ANKRD36C: variants seen among roughly 807,000 people sequenced by gnomAD.
ANKRD36C encodes the protein ankyrin repeat domain-containing protein 36C.
In ANKRD36C, 61 loss-of-function variants were observed where a neutral mutation model predicts 276.4. That is an observed-to-expected ratio of 0.22 (90% confidence interval 0.18 to 0.27). The LOEUF (loss-of-function observed/expected upper bound fraction) is 0.27. Ranked by LOEUF, ANKRD36C falls within the 10% of genes least tolerant of loss-of-function variation. ANKRD36C has a pLI of 1.00. For synonymous variants in ANKRD36C, 483 were observed against 680.1 expected, an observed-to-expected ratio of 0.71 and a Z score of 4.51; for missense variants, 1,447 against 2,032.3, an observed-to-expected ratio of 0.71 and a Z score of 5.54.
intron 13 of ANKRD36C, among the ~76,000 whole-genome samples, chr2:95,955,997 A>ATAT (rs1376066395): frequency 6.8e-6 from 1 of 147,912 alleles, no homozygotes; most frequent in African/African-American, 2.5e-5. Context: ...AATCAAGAAA[A>ATAT]TACTAAAATG....
At chr2:95,885,184 A>C (rs1421075575) in intron 52 of ANKRD36C, among the ~76,000 whole-genome samples, 1 of 151,744 alleles carries the variant, frequency 6.6e-6, no homozygotes, top group African/African-American at 2.4e-5. Flanking sequence ...TTAGGAGTTA[A>C]TTAGAATTCC....
At chr2:95,974,825 C>A (rs1282451061) in intron 6 of ANKRD36C, among the ~76,000 whole-genome samples, 1 of 124,878 alleles carries the variant, frequency 8.0e-6, no homozygotes, top group Middle Eastern at 4.5e-3. Flanking sequence ...CACAACAGTC[C>A]CTGGTGTGTG....
chr2:95,920,473 C>G lies in ANKRD36C; in HGVS notation c.2245+1134G>C, dbSNP rs1445885129. On this transcript the variant is annotated intron_variant, in intron 34 of 66. Coordinates refer to ENST00000456556, the Ensembl canonical transcript of ANKRD36C. ...ACCTTGGATATCTGTTTGCTGATACCTAGTAGATAATATTCATTATCTCTC... is the reference window on the plus strand; with the variant it reads ...ACCTTGGATATCTGTTTGCTGATACGTAGTAGATAATATTCATTATCTCTC... 1.5e-5 allele frequency among the ~76,000 whole-genome samples: 2 copies of G among 132,414 alleles called. 1 individual carries two copies. Among genetic ancestry groups the G allele is most frequent in the Non-Finnish European group, 3.4e-5 (2 of 59,626 alleles). 86.9% of individuals were successfully genotyped at this position (132,414 alleles called of 152,430 possible).
intron 49 of ANKRD36C, 22 bp downstream of exon 69, chr2:95,888,070 A>G (rs1408012619): frequency 6.2e-7 from 1 of 1,609,790 alleles, no homozygotes; most frequent in African/African-American, 1.3e-5. Context: ...ATAGTTCACA[A>G]TATAAATGAC....
chr2:95,932,818 T>A (rs1210851259), intron 24 of ANKRD36C, among the ~76,000 whole-genome samples: 7 of 150,932 alleles, frequency 4.6e-5, no homozygotes, highest in African/African-American at 1.7e-4. Flanking sequence ...TTGTTGCCAT[T>A]GCTTTTGGTG....
intron 59 of ANKRD36C, among the ~76,000 whole-genome samples, chr2:95,871,179 C>G (rs1675802882): frequency 6.6e-6 from 1 of 152,096 alleles, no homozygotes; most frequent in Non-Finnish European, 1.5e-5. Context: ...CACAAAAATA[C>G]CCCTTGAGAA....
intron 36 of ANKRD36C, 35 bp downstream of exon 38, chr2:95,917,820 T>G (rs751386117): frequency 6.4e-7 from 1 of 1,570,040 alleles, no homozygotes. Flanking sequence ...TCTATCTGGA[T>G]TGAACGTGAC....
intron 50 of ANKRD36C, among the ~76,000 whole-genome samples, chr2:95,887,595 C>T (rs180842889): frequency 1.3e-5 from 2 of 151,662 alleles, no homozygotes; most frequent in South Asian, 4.1e-4. Flanking sequence ...AAAATCTATA[C>T]TTCATGTCTT....
chr2:95,921,615 G>C (rs201809830), exon 34 of ANKRD36C: 19 of 1,607,106 alleles, frequency 1.2e-5, no homozygotes, highest in Non-Finnish European at 2.6e-6. Context: ...ACCTGTCCCA[G>C]ATTTTTCTCC....
rs778286374 is a variant in ANKRD36C, at chr2:95,986,745, C to T, written c.486+6G>A. 6.2e-7 allele frequency: 1 copy of T among 1,609,452 alleles called. No homozygotes were observed. On this transcript the variant is annotated splice_donor_region_variant and intron_variant, in intron 3 of 66. Coordinates refer to ENST00000456556, the Ensembl canonical transcript of ANKRD36C. ...TAGTTTGAAAATAACATTGGTTGAC[C>T]TATACCTCGCTGCATTCTTCAATAT...
rs367804205 is a variant in ANKRD36C at position 95,990,484 on chromosome 2, T to G, written c.197+1028A>C. Among the ~76,000 whole-genome samples, 16 of 152,314 alleles carry G rather than the reference T, an allele frequency of 1.1e-4. No individual in the cohort carries two copies. In the East Asian group the frequency reaches 1.3e-3, roughly 13 times the overall value. On this transcript the variant is annotated intron_variant, in intron 1 of 66. Coordinates refer to ENST00000456556, the Ensembl canonical transcript of ANKRD36C. ...GCTGTTAGTAAATAACTTGTGGAAA[T>G]TAACAGCACATTTTCATATCTAGAA...
At chr2:95,860,321 T>TAA (rs976290154) in intron 60 of ANKRD36C, among the ~76,000 whole-genome samples, 4 of 133,856 alleles carry the variant, frequency 3.0e-5, no homozygotes, top group Admixed American at 7.6e-5. Flanking sequence ...ATAGGTCCTG[T>TAA]AAAAAAAAAA....
chr2:95,953,320 G>C (rs1243161149), intron 14 of ANKRD36C, among the ~76,000 whole-genome samples: 1 of 152,044 alleles, frequency 6.6e-6, no homozygotes, highest in African/African-American at 2.4e-5. Flanking sequence ...CTCCTGACTT[G>C]ATCTCTTGAA....
intron 44 of ANKRD36C, 75 bp downstream of exon 60, chr2:95,897,195 C>G (rs541920444): frequency 8.5e-7 from 1 of 1,181,604 alleles, no homozygotes; most frequent in African/African-American, 1.6e-5. Context: ...ACGAGCCCCC[C>G]GCTGATTTAT....
At chr2:95,917,772 C>T (rs1381546171) in intron 36 of ANKRD36C, 83 bp downstream of exon 38, 22 of 1,498,292 alleles carry the variant, frequency 1.5e-5, no homozygotes, top group East Asian at 9.9e-5. Flanking sequence ...CACCCCCAAC[C>T]GCCCTCCGCT....
chr2:95,925,592 T>C (rs777532776), intron 28 of ANKRD36C, 45 bp from the exon 29 acceptor site: 19 of 1,512,694 alleles, frequency 1.3e-5, no homozygotes, highest in Non-Finnish European at 1.6e-5. Flanking sequence ...GTAAATATGA[T>C]AAAGTCGTCC....
intron 30 of ANKRD36C, among the ~76,000 whole-genome samples, chr2:95,924,601 C>G (rs1677357019): frequency 6.6e-6 from 1 of 151,574 alleles, no homozygotes; most frequent in Admixed American, 6.6e-5. Context: ...AAAGCCAGCA[C>G]TTTGGAAAAA....
intron 22 of ANKRD36C, among the ~76,000 whole-genome samples, chr2:95,938,244 G>C (rs200034933): frequency 6.5e-3 from 837 of 128,070 alleles, no homozygotes; most frequent in East Asian, 0.013. Flanking sequence ...AGTAGTAGAA[G>C]AAAATATTCT....
rs200489248 is a variant in ANKRD36C, at chr2:95,902,907, A to G, written c.2654-3571T>C. On this transcript the variant is annotated intron_variant, in intron 42 of 66. Transcript: ENST00000456556. ...TTACCTCTCCTAGTTTTTTCTCCAT[A>G]CTTTTTTCCTCTGGCTATATTCAAA... The G allele has an allele frequency of 4.6e-4, 696 of 1,522,874 alleles. 15 individuals are homozygous for G. Among genetic ancestry groups the G allele is most frequent in the East Asian group, 3.2e-3 (139 of 43,326 alleles). The allele number at this position is 1,522,874 out of a possible 1,614,324, so 94.3% of individuals were successfully genotyped here.
Sources: gnomAD v4.1 joint callset for allele counts (sites outside exome capture counted in the v4.1 genomes callset) on GRCh38, gnomAD v4.1.1 for gene constraint, MANE v1.5 for transcripts, NCBI Gene and HGNC (gene_info 2026-07-23, HGNC 2026-07-21) for gene names.